The following NCAM2 variants were observed in gnomAD, a reference collection of about 807,000 sequenced individuals.
NCAM2 encodes the protein neural cell adhesion molecule 2, also known as N-CAM-2.
In NCAM2, 30 loss-of-function variants were observed where a neutral mutation model predicts 98.1. That is an observed-to-expected ratio of 0.31 (90% CI 0.23 to 0.41). The LOEUF (loss-of-function observed/expected upper bound fraction) is 0.41, where lower values mean the gene tolerates loss of function less well. NCAM2 is among the 10% of genes least tolerant of loss of function. The probability of loss-of-function intolerance (pLI) is 1.00; values close to 1 mark genes in which losing one functional copy is unlikely to be tolerated. For synonymous variants in NCAM2, 368 were observed against 342.4 expected (o/e 1.07, Z -0.83); for missense variants, 867 against 1,005.8 (o/e 0.86, Z 1.87).
At position 21,281,827 on chromosome 21, in the gene NCAM2, G is replaced by A. The variant is rs181350101; in HGVS notation, c.130+1175G>A. Among the ~76,000 whole-genome samples the A allele has an allele frequency of 8.3e-3, 1,254 of 151,642 alleles. 16 individuals are homozygous for A. Among genetic ancestry groups the A allele is most frequent in the Non-Finnish European group, 0.013 (849 of 67,736 alleles). The stretch of plus-strand genomic sequence containing the variant: ...GCATTATAAAAATTGTCTTGAGAAT[G>A]ACATGATTTATTTAAACCAAGATTC... On this transcript the variant is annotated intron_variant, in intron 2 of 17. Coordinates refer to ENST00000400546, the MANE Select transcript of NCAM2 (RefSeq NM_004540.5).
chr21:21,536,468 C>G (rs974530490), intron 17 of NCAM2, among the ~76,000 whole-genome samples: 8 of 151,118 alleles, frequency 5.3e-5, no homozygotes, highest in Non-Finnish European at 1.2e-4. Context: ...CTCAGCTCAC[C>G]TCAACCTCCG....
chr21:21,474,190 AG>A (rs1277056888), intron 14 of NCAM2, among the ~76,000 whole-genome samples: 1 of 151,988 alleles, frequency 6.6e-6, no homozygotes, highest in East Asian at 1.9e-4. Flanking sequence ...CCTATTCCCT[AG>A]GAATAGCAAT....
At chr21:21,197,225 G>A (rs867755038) in intron 1 of NCAM2, among the ~76,000 whole-genome samples, 8 of 152,206 alleles carry the variant, frequency 5.3e-5, no homozygotes, top group Non-Finnish European at 1.0e-4. Flanking sequence ...TGCCTCCCGG[G>A]TTCAAGCGAT....
At chr21:21,481,842 G>T (rs913112308) in intron 15 of NCAM2, among the ~76,000 whole-genome samples, 1 of 152,228 alleles carries the variant, frequency 6.6e-6, no homozygotes, top group African/African-American at 2.4e-5. Context: ...AGTGGCTCAC[G>T]CCTATAATCC....
chr21:21,235,940 C>T (rs942597867), intron 1 of NCAM2, among the ~76,000 whole-genome samples: 1 of 152,006 alleles, frequency 6.6e-6, no homozygotes, highest in African/African-American at 2.4e-5. Flanking sequence ...CATTTCATAA[C>T]CAATTATTTC....
At chr21:21,365,504 G>A (rs893006635) in intron 8 of NCAM2, among the ~76,000 whole-genome samples, 4 of 151,770 alleles carry the variant, frequency 2.6e-5, no homozygotes, top group African/African-American at 9.7e-5. Context: ...CAGTTACAAT[G>A]TCTGGCATAA....
At chr21:21,477,569 T>G (rs1330428966) in intron 15 of NCAM2, 98 bp downstream of exon 15, 4 of 974,480 alleles carry the variant, frequency 4.1e-6, no homozygotes, top group Non-Finnish European at 5.7e-6. Flanking sequence ...TAAAACAAAC[T>G]GAAATGTAAA....
At chr21:21,509,382 G>T (rs1988215504) in intron 16 of NCAM2, among the ~76,000 whole-genome samples, 1 of 151,922 alleles carries the variant, frequency 6.6e-6, no homozygotes, top group Admixed American at 6.6e-5. Context: ...TTATTCCACC[G>T]GTTTTGTTTA....
chr21:21,399,560 A>C (rs985727512), intron 9 of NCAM2, among the ~76,000 whole-genome samples: 12 of 152,318 alleles, frequency 7.9e-5, no homozygotes, highest in African/African-American at 2.6e-4. Context: ...TCTCATCAAT[A>C]TGATTTTTAA....
chr21:21,116,571 G>T (rs1402870592), intron 1 of NCAM2, among the ~76,000 whole-genome samples: 1 of 152,064 alleles, frequency 6.6e-6, no homozygotes, highest in Non-Finnish European at 1.5e-5. Context: ...ACTCACCAAT[G>T]TGTCCGGGCG....
At chr21:21,106,162 G>A (rs1354174051) in intron 1 of NCAM2, among the ~76,000 whole-genome samples, 3 of 151,776 alleles carry the variant, frequency 2.0e-5, no homozygotes, top group African/African-American at 2.4e-5. Context: ...TAAAAACTTA[G>A]TTGGGTGTGG....
intron 8 of NCAM2, among the ~76,000 whole-genome samples, chr21:21,371,814 C>T (rs1418236715): frequency 1.3e-5 from 2 of 151,658 alleles, no homozygotes; most frequent in Non-Finnish European, 2.9e-5. Context: ...TTACAGTTTG[C>T]TCAGCACTGC....
chr21:21,236,498 T>G (rs1177306468), intron 1 of NCAM2, among the ~76,000 whole-genome samples: 2 of 152,122 alleles, frequency 1.3e-5, no homozygotes, highest in African/African-American at 4.8e-5. Context: ...GTGCAGTTAG[T>G]GGTCTGCAAA....
chr21:21,479,905 G>GTTAA (rs1985676155), intron 15 of NCAM2, among the ~76,000 whole-genome samples: 1 of 152,004 alleles, frequency 6.6e-6, no homozygotes, highest in South Asian at 2.1e-4. Context: ...GTTCTGCAAT[G>GTTAA]TTAAGATCTA....
At chr21:21,380,860 C>T (rs1360407719) in intron 9 of NCAM2, among the ~76,000 whole-genome samples, 2 of 152,114 alleles carry the variant, frequency 1.3e-5, no homozygotes, top group Admixed American at 6.6e-5. Context: ...TTCTCCCTCC[C>T]GTTTGTGTCT....
intron 1 of NCAM2, among the ~76,000 whole-genome samples, chr21:21,216,069 G>T (rs996362587): frequency 2.6e-5 from 4 of 152,068 alleles, no homozygotes; most frequent in African/African-American, 9.7e-5. Flanking sequence ...AGGACTTTGG[G>T]TCTCAGTTTT....
chr21:21,497,716 CCT>C (rs1987342488), intron 15 of NCAM2, among the ~76,000 whole-genome samples: 1 of 151,996 alleles, frequency 6.6e-6, no homozygotes, highest in Non-Finnish European at 1.5e-5. Flanking sequence ...ACATCTACCC[CCT>C]AAAGAATAAG....
intron 1 of NCAM2, among the ~76,000 whole-genome samples, chr21:21,189,608 A>C (rs900352853): frequency 6.6e-6 from 1 of 152,204 alleles, no homozygotes; most frequent in African/African-American, 2.4e-5. Context: ...GATTTTAGCA[A>C]GTTTTAGAAA....
chr21:21,153,647 TG>T (rs1056146698), intron 1 of NCAM2, among the ~76,000 whole-genome samples: 5 of 151,824 alleles, frequency 3.3e-5, no homozygotes, highest in African/African-American at 9.7e-5. Context: ...TTAGTCATGG[TG>T]GGGGGTACCG....
Sources: gnomAD v4.1 joint callset for allele counts (sites outside exome capture counted in the v4.1 genomes callset) on GRCh38, gnomAD v4.1.1 for gene constraint, MANE v1.5 for transcripts, NCBI Gene and HGNC (gene_info 2026-07-23, HGNC 2026-07-21) for gene names.